The following PHACTR1 variants were observed in gnomAD, a reference collection of about 807,000 sequenced individuals.
PHACTR1 encodes the protein RPEL repeat containing 1.
In PHACTR1, 16 loss-of-function variants were observed where a neutral mutation model predicts 69.2. That is an observed-to-expected ratio of 0.23 (90% CI 0.16 to 0.35). PHACTR1 has a LOEUF of 0.35. Ranked by LOEUF, PHACTR1 falls within the 10% of genes least tolerant of loss-of-function variation. The probability of loss-of-function intolerance (pLI) is 1.00; values close to 1 mark genes in which losing one functional copy is unlikely to be tolerated. For missense variants in PHACTR1, 510 were observed against 734.7 expected (o/e 0.69, Z 3.54); for synonymous variants, 312 against 284.5 (o/e 1.10, Z -0.97).
At chr6:12,718,520 C>A (rs551761199) in intron 2 of PHACTR1, 179 bp from the exon 3 acceptor site, 3 of 298,640 alleles carry the variant, frequency 1.0e-5, no homozygotes, top group African/African-American at 2.2e-5. Context: ...TGGCTAAATG[C>A]GGCATTTTCT....
At chr6:13,231,029 AAGAGAGAG>A (rs201424900) in intron 10 of PHACTR1, among the ~76,000 whole-genome samples, 1 of 134,168 alleles carries the variant, frequency 7.5e-6, no homozygotes, top group African/African-American at 3.0e-5. Context: ...GAAAGAAAGA[AAGAGAGAG>A]AGAGAGAAAG....
At chr6:13,100,452 G>A (rs948290953) in intron 5 of PHACTR1, among the ~76,000 whole-genome samples, 1 of 152,116 alleles carries the variant, frequency 6.6e-6, no homozygotes, top group Non-Finnish European at 1.5e-5. Context: ...AGGAGTGGAG[G>A]AAAAAATTTC....
intron 4 of PHACTR1, among the ~76,000 whole-genome samples, chr6:13,044,044 A>G (rs1293023430): frequency 6.6e-6 from 1 of 152,158 alleles, no homozygotes; most frequent in Non-Finnish European, 1.5e-5. Context: ...TTTTGATAAT[A>G]ACATCTATTA....
chr6:13,001,492 T>C (rs2127624183), intron 4 of PHACTR1, among the ~76,000 whole-genome samples: 2 of 152,332 alleles, frequency 1.3e-5, no homozygotes, highest in South Asian at 4.1e-4. Context: ...ATTGAGCATA[T>C]GACTACAGAT....
intron 5 of PHACTR1, among the ~76,000 whole-genome samples, chr6:13,142,043 C>A (rs1420822482): frequency 6.6e-6 from 1 of 152,138 alleles, no homozygotes; most frequent in African/African-American, 2.4e-5. Flanking sequence ...GAACAAAACA[C>A]AATGTGCTTA....
chr6:13,185,622 C>T (rs541321871), intron 7 of PHACTR1, among the ~76,000 whole-genome samples: 1 of 152,310 alleles, frequency 6.6e-6, no homozygotes, highest in East Asian at 1.9e-4. Flanking sequence ...AAATTGAGCA[C>T]TCAGTGAAAT....
chr6:12,879,378 C>T (rs2127452637), intron 4 of PHACTR1, among the ~76,000 whole-genome samples: 1 of 152,190 alleles, frequency 6.6e-6, no homozygotes, highest in Non-Finnish European at 1.5e-5. Flanking sequence ...TAAATGTCAC[C>T]CTAAGTAGGG....
At chr6:13,149,911 AC>A (rs1392428806) in intron 5 of PHACTR1, among the ~76,000 whole-genome samples, 1 of 151,528 alleles carries the variant, frequency 6.6e-6, no homozygotes, top group African/African-American at 2.4e-5. Flanking sequence ...TTGTAATGTG[AC>A]CCAGGGAAGA....
chr6:13,094,667 G>A (rs116782151), intron 5 of PHACTR1, among the ~76,000 whole-genome samples: 2,435 of 152,232 alleles, frequency 0.016, 53 homozygotes, highest in African/African-American at 0.052. Context: ...GGCTGAAGGC[G>A]ACAGAGATGG....
chr6:13,097,278 T>G (rs937968962), intron 5 of PHACTR1, among the ~76,000 whole-genome samples: 1 of 152,236 alleles, frequency 6.6e-6, no homozygotes, highest in Non-Finnish European at 1.5e-5. Context: ...TTACTTAAGG[T>G]GGATATATTT....
intron 8 of PHACTR1, among the ~76,000 whole-genome samples, chr6:13,212,076 G>T (rs775572123): frequency 1.3e-5 from 2 of 152,174 alleles, no homozygotes; most frequent in Non-Finnish European, 2.9e-5. Flanking sequence ...TCCTCACGTG[G>T]TCTTCCCTCT....
chr6:12,728,584 C>T (rs2127567918), intron 3 of PHACTR1, among the ~76,000 whole-genome samples: 1 of 152,236 alleles, frequency 6.6e-6, no homozygotes, highest in East Asian at 1.9e-4. Flanking sequence ...TATTTAATCT[C>T]TCTCTGCCTC....
At chr6:12,783,330 C>T (rs1230100589) in intron 4 of PHACTR1, among the ~76,000 whole-genome samples, 2 of 152,174 alleles carry the variant, frequency 1.3e-5, no homozygotes, top group Admixed American at 6.5e-5. Context: ...ATCTATATGA[C>T]GGTCAAATGC....
At chr6:13,185,462 A>AG (rs1034863291) in intron 7 of PHACTR1, among the ~76,000 whole-genome samples, 8 of 42,318 alleles carry the variant, frequency 1.9e-4, no homozygotes, top group Non-Finnish European at 3.2e-4. Flanking sequence ...CTGTTCTCTT[A>AG]GGGAAAAAAA....
chr6:13,174,956 A>G (rs533618655), intron 6 of PHACTR1, among the ~76,000 whole-genome samples: 1 of 152,202 alleles, frequency 6.6e-6, no homozygotes, highest in Non-Finnish European at 1.5e-5. Context: ...TATTATTACT[A>G]TCATATATAA....
chr6:13,138,254 G>A (rs1438937195), intron 5 of PHACTR1, among the ~76,000 whole-genome samples: 1 of 152,180 alleles, frequency 6.6e-6, no homozygotes. Flanking sequence ...ACTTCTCAAT[G>A]ATTACATGTC....
At chr6:13,191,845 C>T (rs924754502) in intron 7 of PHACTR1, among the ~76,000 whole-genome samples, 7 of 152,210 alleles carry the variant, frequency 4.6e-5, no homozygotes, top group Non-Finnish European at 8.8e-5. Context: ...ACTTTTTATA[C>T]TCACTTTTCT....
intron 5 of PHACTR1, among the ~76,000 whole-genome samples, chr6:13,101,516 C>T (rs116645134): frequency 0.016 from 2,389 of 152,322 alleles, 53 homozygotes; most frequent in African/African-American, 0.051. Flanking sequence ...AGCTGACTCA[C>T]GTGATTTCCG....
chr6:12,830,364 G>T (rs1379142297), intron 4 of PHACTR1, among the ~76,000 whole-genome samples: 2 of 150,698 alleles, frequency 1.3e-5, no homozygotes, highest in Non-Finnish European at 3.0e-5. Context: ...AAAAGGCATT[G>T]ATGGTAAGGT....
Sources: gnomAD v4.1 joint callset for allele counts (sites outside exome capture counted in the v4.1 genomes callset) on GRCh38, gnomAD v4.1.1 for gene constraint, MANE v1.5 for transcripts, NCBI Gene and HGNC (gene_info 2026-07-23, HGNC 2026-07-21) for gene names.